Variants in AFF3 observed in about 807,000 individuals in gnomAD.
AFF3 encodes the protein AF4/FMR2 family member 3.
AFF3 carries 32 observed loss-of-function variants against 129.7 expected under a neutral mutation model. The observed-to-expected ratio is 0.25, with a 90% CI of 0.19 to 0.33. The LOEUF (loss-of-function observed/expected upper bound fraction) is 0.33, where lower values mean the gene tolerates loss of function less well. AFF3 is among the 10% of genes least tolerant of loss of function. AFF3 has a pLI of 1.00. For missense variants in AFF3, 1,373 were observed against 1,592.0 expected (o/e 0.86, Z 2.34); for synonymous variants, 644 against 635.4 (o/e 1.01, Z -0.20).
intron 7 of AFF3, among the ~76,000 whole-genome samples, chr2:99,980,083 G>A (rs1322596564): frequency 6.6e-6 from 1 of 152,058 alleles, no homozygotes; most frequent in African/African-American, 2.4e-5. Context: ...ATGTCCTTGG[G>A]TTTATAGCAC....
intron 7 of AFF3, among the ~76,000 whole-genome samples, chr2:99,930,408 AC>A (rs1696589716): frequency 6.6e-6 from 1 of 152,060 alleles, no homozygotes; most frequent in East Asian, 1.9e-4. Context: ...TTCAGACAGA[AC>A]CCTGACACCA....
chr2:99,753,642 A>G (rs1681856150), intron 8 of AFF3, among the ~76,000 whole-genome samples: 1 of 152,186 alleles, frequency 6.6e-6, no homozygotes. Flanking sequence ...CAGATAGTGC[A>G]GAACCCACAC....
chr2:99,950,392 A>G (rs1676035469), intron 7 of AFF3, among the ~76,000 whole-genome samples: 1 of 152,212 alleles, frequency 6.6e-6, no homozygotes, highest in Admixed American at 6.5e-5. Flanking sequence ...AATATGTGGT[A>G]GAGGTTCTAG....
intron 2 of AFF3, chr2:100,107,407 A>T: frequency 1.0e-6 from 1 of 985,434 alleles, no homozygotes; most frequent in Non-Finnish European, 1.2e-6. Flanking sequence ...AAGCAAAAAA[A>T]GGGTTTGGAC....
At chr2:99,998,263 T>C (rs1218115750) in intron 7 of AFF3, among the ~76,000 whole-genome samples, 2 of 152,128 alleles carry the variant, frequency 1.3e-5, no homozygotes, top group Admixed American at 6.5e-5. Flanking sequence ...CGTTAAGTTA[T>C]AGATGGGTTG....
At chr2:100,041,781 G>T (rs902463288) in intron 4 of AFF3, among the ~76,000 whole-genome samples, 3 of 152,078 alleles carry the variant, frequency 2.0e-5, no homozygotes, top group African/African-American at 4.8e-5. Context: ...GACTCATTTT[G>T]CATAAAACAT....
At chr2:99,950,498 G>C (rs923861612) in intron 7 of AFF3, among the ~76,000 whole-genome samples, 9 of 152,126 alleles carry the variant, frequency 5.9e-5, no homozygotes, top group African/African-American at 2.2e-4. Flanking sequence ...CCTGGGTCAT[G>C]TTTGTTTCCT....
intron 11 of AFF3, among the ~76,000 whole-genome samples, chr2:99,705,990 C>T (rs947088570): frequency 6.7e-6 from 1 of 148,740 alleles, no homozygotes; most frequent in African/African-American, 2.5e-5. Context: ...GATTAAGAAA[C>T]TTTGCAAAAA....
At chr2:99,776,726 A>G (rs1397686247) in intron 8 of AFF3, among the ~76,000 whole-genome samples, 1 of 152,200 alleles carries the variant, frequency 6.6e-6, no homozygotes, top group Non-Finnish European at 1.5e-5. Context: ...TACAACCACA[A>G]AAAAACTGCT....
At chr2:99,941,275 A>G (rs945769839) in intron 7 of AFF3, among the ~76,000 whole-genome samples, 2 of 152,200 alleles carry the variant, frequency 1.3e-5, no homozygotes, top group South Asian at 2.1e-4. Flanking sequence ...CTGACCTCAT[A>G]GGACAGCAGG....
intron 11 of AFF3, among the ~76,000 whole-genome samples, chr2:99,691,078 A>G (rs752644123): frequency 6.6e-6 from 1 of 152,138 alleles, no homozygotes; most frequent in Non-Finnish European, 1.5e-5. Flanking sequence ...GCTGAAGCCA[A>G]GCAACTGTTG....
chr2:100,102,014 A>G (rs1278688662), intron 4 of AFF3, among the ~76,000 whole-genome samples: 1 of 149,758 alleles, frequency 6.7e-6, no homozygotes, highest in East Asian at 2.0e-4. Flanking sequence ...AACAGTTCAA[A>G]GCTTCTATTT....
At chr2:100,079,008 G>A (rs866550853) in intron 4 of AFF3, among the ~76,000 whole-genome samples, 20 of 149,642 alleles carry the variant, frequency 1.3e-4, no homozygotes, top group Admixed American at 3.3e-4. Flanking sequence ...GTGCAGTGGC[G>A]TGATCTCGGT....
At chr2:100,026,401 G>C (rs1180093244) in intron 4 of AFF3, among the ~76,000 whole-genome samples, 1 of 152,120 alleles carries the variant, frequency 6.6e-6, no homozygotes, top group African/African-American at 2.4e-5. Flanking sequence ...AAAAACAGTA[G>C]ATGTTGGCAT....
chr2:100,065,516 C>A lies in AFF3; in HGVS notation c.53+38886G>T, dbSNP rs569895919. Among the ~76,000 whole-genome samples, 6 of 152,238 alleles carry A rather than the reference C, an allele frequency of 3.9e-5. No homozygotes were observed. The East Asian group carries it at 1.2e-3, about 29-fold the overall frequency. On this transcript the variant is annotated intron_variant, in intron 4 of 24. Transcript: ENST00000672756. Reference sequence around the variant, plus strand: ...AGATGCATAAAATGTAGCTGTTACCCTTTTACAACATAAACTGTTTTGCTT... The same window carrying A: ...AGATGCATAAAATGTAGCTGTTACCATTTTACAACATAAACTGTTTTGCTT...
chr2:99,917,782 A>T (rs529365287), intron 7 of AFF3, among the ~76,000 whole-genome samples: 16 of 152,296 alleles, frequency 1.1e-4, no homozygotes, highest in African/African-American at 3.8e-4. Flanking sequence ...ACATTTCTAC[A>T]CAGGATACAG....
intron 8 of AFF3, among the ~76,000 whole-genome samples, chr2:99,771,195 G>A (rs748676677): frequency 1.3e-5 from 2 of 152,128 alleles, no homozygotes; most frequent in Non-Finnish European, 2.9e-5. Context: ...ACTTATAAGT[G>A]GGAGTTGAAC....
chr2:99,644,423 A>G (rs1684511596), intron 13 of AFF3, among the ~76,000 whole-genome samples: 1 of 152,196 alleles, frequency 6.6e-6, no homozygotes. Flanking sequence ...ATTTATTCAT[A>G]TAAAATTATG....
intron 8 of AFF3, among the ~76,000 whole-genome samples, chr2:99,805,622 G>T (rs537297173): frequency 6.6e-6 from 1 of 152,080 alleles, no homozygotes; most frequent in Non-Finnish European, 1.5e-5. Context: ...CACCACAGCC[G>T]AGTATGCTCT....
Sources: allele counts gnomAD v4.1 joint callset (sites outside exome capture counted in the v4.1 genomes callset), GRCh38; gene constraint gnomAD v4.1.1; transcripts MANE v1.5; gene names NCBI Gene and HGNC (gene_info 2026-07-23, HGNC 2026-07-21).